Variants in PMM2 observed in about 807,000 individuals in gnomAD.
The protein encoded by PMM2 is phosphomannomutase 2.
PMM2 carries 35 observed loss-of-function variants against 33.2 expected under a neutral mutation model. The ratio of observed to expected loss-of-function variants is 1.06; its 90% CI spans 0.81 to 1.40. PMM2 has a LOEUF of 1.40. PMM2 is among the 40% of genes most tolerant of loss of function. The pLI is 0.00. For synonymous variants in PMM2, 153 were observed against 114.7 expected, an observed-to-expected ratio of 1.33 and a Z score of -2.13; for missense variants, 386 against 306.0, an observed-to-expected ratio of 1.26 and a Z score of -1.95.
chr16:8,840,776 C>CT (rs2060884706), intron 7 of PMM2, among the ~76,000 whole-genome samples: 1 of 151,914 alleles, frequency 6.6e-6, no homozygotes, highest in African/African-American at 2.4e-5. Flanking sequence ...CTATAGATGA[C>CT]TAAGTAGGGT....
chr16:8,823,890 T>C (rs148076540), intron 7 of PMM2, among the ~76,000 whole-genome samples: 2 of 152,354 alleles, frequency 1.3e-5, no homozygotes, highest in African/African-American at 4.8e-5. Context: ...GTCAACTTTG[T>C]TCCTTAAAGC....
intron 7 of PMM2, among the ~76,000 whole-genome samples, chr16:8,831,709 A>C (rs2060810884): frequency 6.6e-6 from 1 of 152,226 alleles, no homozygotes; most frequent in Non-Finnish European, 1.5e-5. Context: ...ACAGGTCAGC[A>C]ACAGCATGTA....
In PMM2 at chr16:8,842,556, C is replaced by G. The variant is rs574034591; in HGVS notation, c.640-5168C>G. Among the ~76,000 whole-genome samples, 11 of 152,156 alleles carry G rather than the reference C, an allele frequency of 7.2e-5. No homozygotes were observed. In the South Asian group the frequency reaches 2.1e-3, roughly 29 times the overall value. On this transcript the variant is annotated intron_variant, in intron 7 of 7. Coordinates refer to ENST00000268261, the MANE Select transcript of PMM2 (RefSeq NM_000303.3). The stretch of plus-strand genomic sequence containing the variant: ...GGCTGGGACAAGGGGTGCAGGGGAA[C>G]GCTGAAAGAAGCATCTTTAAGATCA...
chr16:8,822,871 C>T (rs2060745668), intron 7 of PMM2, among the ~76,000 whole-genome samples: 1 of 152,182 alleles, frequency 6.6e-6, no homozygotes, highest in Admixed American at 6.5e-5. Flanking sequence ...ATAGTTTTAA[C>T]AAATGAGTCC....
chr16:8,799,886 G>A (rs545138982), intron 1 of PMM2, among the ~76,000 whole-genome samples: 1 of 152,218 alleles, frequency 6.6e-6, no homozygotes, highest in African/African-American at 2.4e-5. Context: ...CTGTCTAATA[G>A]GTCCAGATTC....
chr16:8,813,746 C>T (rs2060690964), intron 7 of PMM2, among the ~76,000 whole-genome samples: 1 of 152,082 alleles, frequency 6.6e-6, no homozygotes, highest in East Asian at 1.9e-4. Flanking sequence ...CCCAGGTGTC[C>T]TCTCCGTGGG....
At position 8,832,912 on chromosome 16, in the gene PMM2, T is replaced by A. The variant is rs532313925; in HGVS notation, c.640-14812T>A. The A allele has an allele frequency of 1.8e-5, 18 of 985,304 alleles. No individual in the cohort carries two copies. The African/African-American group carries it at 3.1e-4, about 17-fold the overall frequency. The allele number at this position is 985,304 out of a possible 1,614,324, so 61.0% of individuals were successfully genotyped here. A position where few individuals can be genotyped will look rare whatever the true frequency, so the allele number is the denominator to read the frequency against. On this transcript the variant is annotated intron_variant, in intron 7 of 7. Coordinates refer to ENST00000268261, the MANE Select transcript of PMM2 (RefSeq NM_000303.3). Reference sequence around the variant, plus strand: ...CTCACCCTCCAGGCCTGGCAGCCCTTCCCTCCCTTTGCTCAACAAGGCGCC... The same window carrying A: ...CTCACCCTCCAGGCCTGGCAGCCCTACCCTCCCTTTGCTCAACAAGGCGCC...
intron 7 of PMM2, chr16:8,829,058 G>A (rs79597562): frequency 0.14 from 21,374 of 152,152 alleles, 1,640 homozygotes; most frequent in East Asian, 0.24. Context: ...GCTCACTGCA[G>A]CCTCCACCCA....
At position 8,848,208 on chromosome 16, in the gene PMM2, C is replaced by T. The variant is rs886052461; in HGVS notation, c.*383C>T. The T allele has an allele frequency of 1.3e-5, 3 of 236,102 alleles. No homozygotes were observed. The highest frequency in any genetic ancestry group is 5.1e-5 in the Admixed American group (1 of 19,558). The allele number at this position is 236,102 out of a possible 1,614,324, so 14.6% of individuals were successfully genotyped here. A position where few individuals can be genotyped will look rare whatever the true frequency, so the allele number is the denominator to read the frequency against. The stretch of plus-strand genomic sequence containing the variant: ...CTTGGTGGGTCTGTGGAAACATAAG[C>T]GGTTTTTTTAATGGGCCCCTGCATC... On this transcript the variant is annotated 3_prime_UTR_variant, in exon 8 of 8. Transcript: ENST00000268261.
In PMM2 at chr16:8,835,982, G is replaced by A. The variant is rs62033470; in HGVS notation, c.640-11742G>A. Among the ~76,000 whole-genome samples, 656 of 147,200 alleles carry A rather than the reference G, an allele frequency of 4.5e-3. 6 individuals are homozygous for A. Among genetic ancestry groups the A allele is most frequent in the Admixed American group, 6.7e-3 (99 of 14,692 alleles). On this transcript the variant is annotated intron_variant, in intron 7 of 7. Transcript: ENST00000268261. Reference sequence around the variant, plus strand: ...CTCAGGGAAGCAGATAATTTAAAGTGTCTCGGCCTAATAAGGGAACTGGGC... The same window carrying A: ...CTCAGGGAAGCAGATAATTTAAAGTATCTCGGCCTAATAAGGGAACTGGGC...
intron 7 of PMM2, among the ~76,000 whole-genome samples, chr16:8,823,060 A>T (rs2060746979): frequency 6.6e-6 from 1 of 152,190 alleles, no homozygotes; most frequent in Admixed American, 6.5e-5. Flanking sequence ...GGAAATTTAA[A>T]TATACTCATC....
intron 7 of PMM2, among the ~76,000 whole-genome samples, chr16:8,834,557 G>T (rs1596501423): frequency 1.3e-5 from 2 of 152,114 alleles, no homozygotes; most frequent in Non-Finnish European, 2.9e-5. Flanking sequence ...AGTCCTGGGT[G>T]GGGGCAAATC....
intron 7 of PMM2, among the ~76,000 whole-genome samples, chr16:8,830,449 G>A (rs1385360940): frequency 1.3e-5 from 2 of 152,206 alleles, no homozygotes; most frequent in African/African-American, 4.8e-5. Flanking sequence ...AGTTTTTAAG[G>A]ATAACTTGGT....
chr16:8,845,694 A>AGC (rs1269279489), intron 7 of PMM2, among the ~76,000 whole-genome samples: 5 of 151,576 alleles, frequency 3.3e-5, no homozygotes, highest in African/African-American at 4.9e-5. Flanking sequence ...TTCTCCTGCC[A>AGC]AGCAGCTGGG....
chr16:8,847,779 C>T lies in PMM2; in HGVS notation c.695C>T (p.Thr232Ile). 2 of 1,614,070 alleles carry T rather than the reference C, an allele frequency of 1.2e-6. No homozygotes were observed. The highest frequency in any genetic ancestry group is 1.7e-6 in the Non-Finnish European group (2 of 1,179,974). Residue 232 changes from threonine to isoleucine, a missense_variant, in exon 8 of 8, where the codon ACA (threonine) becomes ATA (isoleucine). Thr to Ile is a moderately conservative substitution (Grantham distance 89, BLOSUM62 -1). Coordinates refer to ENST00000268261, the MANE Select transcript of PMM2 (RefSeq NM_000303.3). ...TDPRTMGYSV[T>I]APEDTRRICE... is the part of the protein sequence containing the mutation. ...CCCAGAACCATGGGCTACTCCGTGACAGCGCCTGAGGACACGCGCAGGATC... is the reference window on the plus strand; with the variant it reads ...CCCAGAACCATGGGCTACTCCGTGATAGCGCCTGAGGACACGCGCAGGATC...
chr16:8,798,773 C>G (rs1168709647), intron 1 of PMM2, among the ~76,000 whole-genome samples: 1 of 152,174 alleles, frequency 6.6e-6, no homozygotes, highest in African/African-American at 2.4e-5. Context: ...CCACTGAACA[C>G]TGGCCATTTC....
At chr16:8,846,277 G>A (rs998862082) in intron 7 of PMM2, among the ~76,000 whole-genome samples, 6 of 152,164 alleles carry the variant, frequency 3.9e-5, no homozygotes, top group African/African-American at 1.4e-4. Context: ...TCTTTTAAAG[G>A]ATGTCAGATT....
intron 7 of PMM2, among the ~76,000 whole-genome samples, chr16:8,836,407 A>G (rs113991526): frequency 0.2 from 30,816 of 151,886 alleles, 3,423 homozygotes; most frequent in Middle Eastern, 0.28. Context: ...CACAGATGGG[A>G]CGCGGCTTAG....
intron 7 of PMM2, among the ~76,000 whole-genome samples, chr16:8,827,718 GCATATA>G (rs1216307380): frequency 1.2e-4 from 5 of 42,832 alleles, no homozygotes; most frequent in African/African-American, 5.5e-4. Context: ...TTAAATGTGT[GCATATA>G]TATATATATA....
Sources: gnomAD v4.1 joint callset for allele counts (sites outside exome capture counted in the v4.1 genomes callset) on GRCh38, gnomAD v4.1.1 for gene constraint, MANE v1.5 for transcripts, NCBI Gene and HGNC (gene_info 2026-07-23, HGNC 2026-07-21) for gene names.